Variants in ERC1 observed in about 807,000 individuals in gnomAD.
ERC1 encodes ELKS/RAB6-interacting/CAST family member 1, also known as RAB6 interacting protein 2.
A neutral mutation model predicts 132.0 loss-of-function variants in ERC1; 56 were observed. The ratio of observed to expected loss-of-function variants is 0.42; its 90% CI spans 0.34 to 0.53. The LOEUF (loss-of-function observed/expected upper bound fraction) is 0.53. Among genes scored for constraint, ERC1 ranks in the 20% least tolerant of loss-of-function variants. ERC1 has a pLI of 0.03. For synonymous variants in ERC1, 478 were observed against 476.1 expected (o/e 1.00, Z -0.05); for missense variants, 1,202 against 1,349.9 (o/e 0.89, Z 1.72).
chr12:1,287,742 G>T (rs2079136257), intron 14 of ERC1, among the ~76,000 whole-genome samples: 1 of 152,132 alleles, frequency 6.6e-6, no homozygotes, highest in South Asian at 2.1e-4. Context: ...TTTGGATTTG[G>T]GTTGGAACTA....
intron 8 of ERC1, among the ~76,000 whole-genome samples, chr12:1,179,217 C>G (rs1954083300): frequency 1.3e-5 from 2 of 152,130 alleles, no homozygotes; most frequent in South Asian, 2.1e-4. Flanking sequence ...GATACAAACT[C>G]TAATGGTTTT....
At chr12:1,295,863 G>A (rs567839666) in intron 15 of ERC1, among the ~76,000 whole-genome samples, 1 of 152,112 alleles carries the variant, frequency 6.6e-6, no homozygotes, top group Non-Finnish European at 1.5e-5. Context: ...CTGCTCCTCA[G>A]AAGAAATTAA....
intron 2 of ERC1, among the ~76,000 whole-genome samples, chr12:1,034,668 CTAAGA>C (rs1220198483): frequency 1.3e-5 from 2 of 152,064 alleles, no homozygotes; most frequent in Non-Finnish European, 2.9e-5. Context: ...ATGCCCCTCA[CTAAGA>C]TAGTTTTTAT....
intron 12 of ERC1, among the ~76,000 whole-genome samples, chr12:1,218,485 A>C (rs1357350756): frequency 6.6e-6 from 1 of 152,166 alleles, no homozygotes; most frequent in East Asian, 1.9e-4. Context: ...TTATTTAAAA[A>C]ATTGACTGTA....
At chr12:1,476,255 CA>C (rs532457719) in intron 18 of ERC1, among the ~76,000 whole-genome samples, 2,829 of 131,232 alleles carry the variant, frequency 0.022, 104 homozygotes, top group African/African-American at 0.072. Flanking sequence ...GACTCCATCT[CA>C]AAAAAAAAAA....
In ERC1 at chr12:1,494,255, C is replaced by T. The variant is rs542117064; in HGVS notation, c.*4025C>T. 3.0e-5 allele frequency: 7 copies of T among 232,138 alleles called. No individual in the cohort carries two copies. In the South Asian group the frequency reaches 1.3e-3, roughly 42 times the overall value. 14.4% of individuals were successfully genotyped at this position (232,138 alleles called of 1,614,324 possible). A position where few individuals can be genotyped will look rare whatever the true frequency, so the allele number is the denominator to read the frequency against. On this transcript the variant is annotated 3_prime_UTR_variant, in exon 19 of 19. Transcript: ENST00000360905. The stretch of plus-strand genomic sequence containing the variant: ...TGAGAAGAGACTGCAATGCAGCAGG[C>T]ACCCTCTGCAGAGTGAGGCCGCCCG...
intron 14 of ERC1, among the ~76,000 whole-genome samples, chr12:1,272,825 A>G (rs1006346629): frequency 7.2e-5 from 11 of 151,842 alleles, no homozygotes; most frequent in Admixed American, 2.6e-4. Flanking sequence ...CTAGGTGCCC[A>G]TAATCCCAGC....
At chr12:1,060,354 G>A (rs1973776568) in intron 2 of ERC1, among the ~76,000 whole-genome samples, 1 of 150,866 alleles carries the variant, frequency 6.6e-6, no homozygotes, top group Non-Finnish European at 1.5e-5. Flanking sequence ...AGTCCCCAGA[G>A]TGTGATGTTC....
intron 15 of ERC1, among the ~76,000 whole-genome samples, chr12:1,332,935 T>C (rs150571307): frequency 5.9e-5 from 9 of 152,256 alleles, no homozygotes; most frequent in African/African-American, 1.9e-4. Context: ...GTTATGTAGG[T>C]AAACTTAGGT....
chr12:1,435,055 C>T (rs1444223988), intron 17 of ERC1, among the ~76,000 whole-genome samples: 3 of 152,034 alleles, frequency 2.0e-5, no homozygotes, highest in Admixed American at 6.5e-5. Flanking sequence ...ATCTTTTTTT[C>T]CACCCAAAGT....
chr12:1,020,962 T>A (rs1171569839), intron 1 of ERC1, among the ~76,000 whole-genome samples: 1 of 152,152 alleles, frequency 6.6e-6, no homozygotes, highest in Non-Finnish European at 1.5e-5. Context: ...TTGTTTGAGA[T>A]GGAGTCCTGC....
At chr12:1,426,669 G>A (rs974719822) in intron 17 of ERC1, among the ~76,000 whole-genome samples, 1 of 152,258 alleles carries the variant, frequency 6.6e-6, no homozygotes, top group African/African-American at 2.4e-5. Flanking sequence ...AGTTCGTCTA[G>A]TGTGGTATAG....
chr12:1,466,016 C>T (rs2093735480), intron 18 of ERC1, among the ~76,000 whole-genome samples: 1 of 152,154 alleles, frequency 6.6e-6, no homozygotes, highest in Admixed American at 6.5e-5. Context: ...TCAGAAGGCG[C>T]CTTCCAGTGT....
Position 1,444,743 on chromosome 12 carries a change from G to T in ERC1, c.3206G>T (p.Arg1069Leu). 1.2e-6 allele frequency: 2 copies of T among 1,612,904 alleles called. No homozygotes were observed. Among genetic ancestry groups the T allele is most frequent in the Non-Finnish European group, 8.5e-7 (1 of 1,179,564 alleles). The change falls in exon 18 of 19, where the codon CGG (arginine) becomes CTG (leucine). Residue 1069 changes from arginine (R) to leucine (L), a missense_variant. Physicochemically the swap from Arg to Leu is moderately radical, Grantham distance 102. Transcript: ENST00000360905. ...AWENELQKMT[R>L]GQLQDELEKG... is the part of the protein sequence containing the mutation. Reference sequence around the variant, plus strand: ...GAGAATGAGCTGCAGAAGATGACCCGGGGGCAGGTGAGCCTCTCACTCAAA... The same window carrying T: ...GAGAATGAGCTGCAGAAGATGACCCTGGGGCAGGTGAGCCTCTCACTCAAA...
intron 8 of ERC1, among the ~76,000 whole-genome samples, chr12:1,171,225 T>C (rs929207609): frequency 6.6e-6 from 1 of 152,216 alleles, no homozygotes; most frequent in Non-Finnish European, 1.5e-5. Context: ...ATGAAAACTT[T>C]TAAAAACCCA....
At chr12:1,413,883 A>G (rs2091974644) in intron 17 of ERC1, among the ~76,000 whole-genome samples, 1 of 152,174 alleles carries the variant, frequency 6.6e-6, no homozygotes, top group Non-Finnish European at 1.5e-5. Context: ...GCAGTCCCCA[A>G]CCTTTCTGGC....
chr12:1,309,961 G>GTTTTGTTTT (rs1555355526), intron 15 of ERC1, among the ~76,000 whole-genome samples: 1 of 143,892 alleles, frequency 6.9e-6, no homozygotes, highest in Non-Finnish European at 1.5e-5. Flanking sequence ...GTTTTGTTTT[G>GTTTTGTTTT]TTTTGAGACA....
At chr12:1,424,527 A>G (rs1296694956) in intron 17 of ERC1, among the ~76,000 whole-genome samples, 2 of 152,196 alleles carry the variant, frequency 1.3e-5, no homozygotes, top group East Asian at 3.8e-4. Flanking sequence ...TAAAAGAACC[A>G]TTGGGAAAAA....
At chr12:1,054,528 G>A (rs185654234) in intron 2 of ERC1, among the ~76,000 whole-genome samples, 2 of 152,006 alleles carry the variant, frequency 1.3e-5, no homozygotes, top group East Asian at 3.9e-4. Context: ...TGCAGGCAGA[G>A]TTCAGCATTT....
Sources: gnomAD v4.1 joint callset for allele counts (sites outside exome capture counted in the v4.1 genomes callset) on GRCh38, gnomAD v4.1.1 for gene constraint, MANE v1.5 for transcripts, NCBI Gene and HGNC (gene_info 2026-07-23, HGNC 2026-07-21) for gene names.